The following ELP4 variants were observed in gnomAD, a reference collection of about 807,000 sequenced individuals.
ELP4 encodes elongator acetyltransferase complex subunit 4, also known as elongator complex protein 4.
Under a neutral mutation model 48.9 loss-of-function variants are expected in ELP4, and 51 were observed. The observed-to-expected ratio is 1.04, with a 90% CI of 0.83 to 1.32. The LOEUF is 1.32. Among genes scored for constraint, ELP4 ranks in the 40% most tolerant of loss-of-function variants. ELP4 has a pLI of 0.00. For missense variants in ELP4, 519 were observed against 514.6 expected (o/e 1.01, Z -0.08); for synonymous variants, 210 against 189.2 (o/e 1.11, Z -0.90).
chr11:31,664,436 A>G (rs1207183777), intron 9 of ELP4: 1 of 152,086 alleles, frequency 6.6e-6, no homozygotes, highest in African/African-American at 2.4e-5. Flanking sequence ...CTTTTTGTGG[A>G]TATTTGGTTG....
intron 9 of ELP4, among the ~76,000 whole-genome samples, chr11:31,764,449 C>T (rs1487037867): frequency 2.0e-5 from 3 of 152,180 alleles, no homozygotes; most frequent in African/African-American, 7.2e-5. Flanking sequence ...CAGCTTAAAT[C>T]GTAGCCAGTG....
chr11:31,677,733 TGAAAA>T (rs1436600653), intron 9 of ELP4, among the ~76,000 whole-genome samples: 1 of 152,110 alleles, frequency 6.6e-6, no homozygotes, highest in Non-Finnish European at 1.5e-5. Flanking sequence ...ACAGAAAAAT[TGAAAA>T]GAAAATATAG....
intron 9 of ELP4, among the ~76,000 whole-genome samples, chr11:31,678,341 C>G (rs1362539824): frequency 6.6e-6 from 1 of 152,058 alleles, no homozygotes; most frequent in Admixed American, 6.6e-5. Context: ...CCCAGCTACT[C>G]AGGAGTCTGA....
At chr11:31,640,016 A>G (rs932948937) in intron 7 of ELP4, among the ~76,000 whole-genome samples, 2 of 151,896 alleles carry the variant, frequency 1.3e-5, no homozygotes, top group Non-Finnish European at 2.9e-5. Flanking sequence ...GTTTGGACAT[A>G]TGGAATCTTT....
chr11:31,544,798 G>A (rs986935117), intron 3 of ELP4, among the ~76,000 whole-genome samples: 1 of 152,176 alleles, frequency 6.6e-6, no homozygotes, highest in Non-Finnish European at 1.5e-5. Context: ...ACTCCTCTGA[G>A]ACAAAACTTC....
At chr11:31,655,340 A>G (rs1406289269) in intron 9 of ELP4, among the ~76,000 whole-genome samples, 1 of 151,216 alleles carries the variant, frequency 6.6e-6, no homozygotes. Context: ...GTCTAATCCT[A>G]TTTCTTCCCA....
chr11:31,588,035 T>C (rs1332763475), intron 3 of ELP4, among the ~76,000 whole-genome samples: 2 of 151,820 alleles, frequency 1.3e-5, no homozygotes, highest in Non-Finnish European at 2.9e-5. Context: ...ACTGTTTATA[T>C]ACTTTTAAAA....
In ELP4 at chr11:31,647,741, A is replaced by T; in HGVS notation, c.928A>T (p.Asn310Tyr). The T allele has an allele frequency of 6.3e-7, 1 of 1,593,238 alleles. No homozygotes were observed. Among genetic ancestry groups the T allele is most frequent in the Non-Finnish European group, 8.6e-7 (1 of 1,162,102 alleles). Reference sequence around the variant, plus strand: ...ACTGTTTTGTTTCCATGTTTTGCAGAATAAAGCCATTATTGCCCGTGTCAC... The same window carrying T: ...ACTGTTTTGTTTCCATGTTTTGCAGTATAAAGCCATTATTGCCCGTGTCAC... ...IITMPTHLIQ[N>Y]KAIIARVTTL... Residue 310 changes from asparagine (N) to tyrosine (Y), a missense_variant and splice_region_variant, in exon 8 of 10, where the codon AAT becomes TAT. Asn to Tyr is a moderately radical substitution (Grantham distance 143). Transcript: ENST00000640961.
At chr11:31,573,291 C>A (rs1474003982) in intron 3 of ELP4, among the ~76,000 whole-genome samples, 1 of 152,176 alleles carries the variant, frequency 6.6e-6, no homozygotes, top group Non-Finnish European at 1.5e-5. Flanking sequence ...CCTCAAAACT[C>A]TTCTAGCTCT....
Position 31,603,872 on chromosome 11 carries a change from A to T in ELP4, c.618A>T (p.Pro206=). 1 of 1,611,906 alleles carries T rather than the reference A, an allele frequency of 6.2e-7. No homozygotes were observed. Among genetic ancestry groups the T allele is most frequent in the Non-Finnish European group, 8.5e-7 (1 of 1,178,510 alleles). Reference sequence around the variant, plus strand: ...CAAATTGGCATGGATTTTTTCTTCCAGAGAAAATATCTTCAACTCTCAAAG... The same window carrying T: ...CAAATTGGCATGGATTTTTTCTTCCTGAGAAAATATCTTCAACTCTCAAAG... ...EASNWHGFFL[P]EKISSTLKVE... is the part of the protein sequence containing the mutation. Residue 206 remains proline, a synonymous_variant, in exon 5 of 10, where the codon CCA becomes CCT. Coordinates refer to ENST00000640961, the MANE Select transcript of ELP4 (RefSeq NM_019040.5).
intron 3 of ELP4, among the ~76,000 whole-genome samples, chr11:31,547,594 C>A (rs1956754400): frequency 6.6e-6 from 1 of 152,080 alleles, no homozygotes; most frequent in Non-Finnish European, 1.5e-5. Flanking sequence ...TGAAACTGTT[C>A]CAATCAATAG....
In ELP4 at chr11:31,783,415, T is replaced by C. The variant is rs1277069162; in HGVS notation, c.1166T>C (p.Leu389Ser). ...TAGCGACTGCATTTGCCTCCAGACT[T>C]GTCAGACACAGTGAGCCGCTCAAGC... ...TIERLHLPPDLSDTVSRSSKM... is the reference protein window; with the variant it reads ...TIERLHLPPDSSDTVSRSSKM... Residue 389 changes from leucine to serine, a missense_variant, in exon 10 of 10, where the codon TTG (leucine) becomes TCG (serine). By Grantham distance (145) the Leu-to-Ser change is moderately radical. Coordinates refer to ENST00000640961, the MANE Select transcript of ELP4 (RefSeq NM_019040.5). 1 of 1,613,912 alleles carries C rather than the reference T, an allele frequency of 6.2e-7. No homozygotes were observed. The highest frequency in any genetic ancestry group is 8.5e-7 in the Non-Finnish European group (1 of 1,179,896).
chr11:31,703,479 A>G (rs1417301763), intron 9 of ELP4, among the ~76,000 whole-genome samples: 1 of 152,210 alleles, frequency 6.6e-6, no homozygotes, highest in Non-Finnish European at 1.5e-5. Flanking sequence ...TAATCTATAT[A>G]CTTTGCTTCA....
chr11:31,651,868 A>G (rs1316606949), intron 9 of ELP4: 5 of 151,722 alleles, frequency 3.3e-5, no homozygotes, highest in Non-Finnish European at 7.4e-5. Context: ...AATCATGTTT[A>G]TGATTTCTCT....
At chr11:31,593,540 G>A (rs1338920721) in intron 3 of ELP4, among the ~76,000 whole-genome samples, 1 of 152,066 alleles carries the variant, frequency 6.6e-6, no homozygotes, top group Non-Finnish European at 1.5e-5. Flanking sequence ...GACACTGCAC[G>A]CAGCCTGAAG....
At chr11:31,743,979 A>T (rs2134225450) in intron 9 of ELP4, among the ~76,000 whole-genome samples, 1 of 152,320 alleles carries the variant, frequency 6.6e-6, no homozygotes, top group African/African-American at 2.4e-5. Context: ...GCTCAACAAA[A>T]TTGGTAGACC....
intron 5 of ELP4, among the ~76,000 whole-genome samples, chr11:31,624,551 C>T (rs1360169128): frequency 1.3e-5 from 2 of 151,614 alleles, no homozygotes; most frequent in East Asian, 3.9e-4. Flanking sequence ...GAAAGCCTAA[C>T]ATACTACTGG....
intron 2 of ELP4, among the ~76,000 whole-genome samples, chr11:31,537,908 CAA>C (rs1328733044): frequency 1.3e-5 from 2 of 152,100 alleles, no homozygotes; most frequent in Non-Finnish European, 2.9e-5. Flanking sequence ...TCAGTTTCTC[CAA>C]AAAGCTTACT....
rs578175335 is a variant in ELP4, at chr11:31,592,470, A to T, written c.382-2300A>T. Among the ~76,000 whole-genome samples, 8 of 150,862 alleles carry T rather than the reference A, an allele frequency of 5.3e-5. No individual in the cohort carries two copies. The South Asian group carries it at 1.3e-3, about 24-fold the overall frequency. ...GGTGGGAGGATCACTTGAGCCCAGG[A>T]GGTGTGTGTGTGTATATATATATGT... is the stretch of plus-strand genomic sequence containing the variant. On this transcript the variant is annotated intron_variant, in intron 3 of 9. Coordinates refer to ENST00000640961, the MANE Select transcript of ELP4 (RefSeq NM_019040.5).
Sources: gnomAD v4.1 joint callset for allele counts (sites outside exome capture counted in the v4.1 genomes callset) on GRCh38, gnomAD v4.1.1 for gene constraint, MANE v1.5 for transcripts, NCBI Gene and HGNC (gene_info 2026-07-23, HGNC 2026-07-21) for gene names.